GIGYF2: variants seen among roughly 807,000 people sequenced by gnomAD.
GIGYF2 encodes GRB10 interacting GYF protein 2.
In GIGYF2, 25 loss-of-function variants were observed where a neutral mutation model predicts 208.1. The ratio of observed to expected loss-of-function variants is 0.12; its 90% confidence interval spans 0.09 to 0.17. The LOEUF is 0.17. GIGYF2 is among the 10% of genes least tolerant of loss of function. GIGYF2 has a pLI of 1.00. For missense variants in GIGYF2, 1,302 were observed against 1,579.4 expected, an observed-to-expected ratio of 0.82 and a Z score of 2.98; for synonymous variants, 534 against 543.8, an observed-to-expected ratio of 0.98 and a Z score of 0.25.
At chr2:232,711,278 T>C (rs1177467546) in intron 2 of GIGYF2, among the ~76,000 whole-genome samples, 3 of 150,648 alleles carry the variant, frequency 2.0e-5, no homozygotes, top group Non-Finnish European at 4.4e-5. Context: ...TTTGTATTTT[T>C]TTATAGAGAT....
At chr2:232,718,337 G>A (rs1247798639) in intron 2 of GIGYF2, among the ~76,000 whole-genome samples, 2 of 152,114 alleles carry the variant, frequency 1.3e-5, no homozygotes, top group East Asian at 1.9e-4. Context: ...GACCTCACGC[G>A]ATCCACTCAC....
At chr2:232,820,164 T>C (rs986721581) in intron 21 of GIGYF2, among the ~76,000 whole-genome samples, 179 bp downstream of exon 21, 6 of 152,158 alleles carry the variant, frequency 3.9e-5, no homozygotes, top group Non-Finnish European at 7.4e-5. Context: ...AAAACCTGTT[T>C]TCTAGAGGAA....
At chr2:232,825,956 T>G (rs929702719) in intron 21 of GIGYF2, among the ~76,000 whole-genome samples, 7 of 151,812 alleles carry the variant, frequency 4.6e-5, no homozygotes, top group Admixed American at 3.9e-4. Context: ...CATGTGGTGT[T>G]TGGTTTTCTG....
In GIGYF2 at chr2:232,857,298, G is replaced by A. The variant is rs1056907985; in HGVS notation, c.*438G>A. 2 of 255,290 alleles carry A rather than the reference G, an allele frequency of 7.8e-6. No individual in the cohort carries two copies. Among genetic ancestry groups the A allele is most frequent in the African/African-American group, 4.5e-5 (2 of 44,416 alleles). 15.8% of individuals were successfully genotyped at this position (255,290 alleles called of 1,614,324 possible). ...GGTCTAACTGGTGCAATCATGAAGA[G>A]AGTTAATGGTTAACAGACATTGGCC... On this transcript the variant is annotated 3_prime_UTR_variant, in exon 29 of 29. Transcript: ENST00000373563.
chr2:232,771,683 G>A (rs1574862031), intron 8 of GIGYF2, among the ~76,000 whole-genome samples: 1 of 152,282 alleles, frequency 6.6e-6, no homozygotes, highest in Non-Finnish European at 1.5e-5. Flanking sequence ...ATACCCCTGT[G>A]TCTTCCTTGC....
chr2:232,854,329 C>T (rs2106436203), intron 28 of GIGYF2, among the ~76,000 whole-genome samples: 1 of 152,206 alleles, frequency 6.6e-6, no homozygotes, highest in Middle Eastern at 3.4e-3. Context: ...CTTGTCTCTA[C>T]AAAAATTACA....
At chr2:232,699,077 A>G (rs1033343027) in intron 1 of GIGYF2, among the ~76,000 whole-genome samples, 2 of 152,218 alleles carry the variant, frequency 1.3e-5, no homozygotes, top group Non-Finnish European at 2.9e-5. Flanking sequence ...AAAGAAAAAA[A>G]TGAGTCAGGG....
chr2:232,825,018 A>G (rs1422344383), intron 21 of GIGYF2, among the ~76,000 whole-genome samples: 1 of 152,214 alleles, frequency 6.6e-6, no homozygotes, highest in East Asian at 1.9e-4. Flanking sequence ...TGGTATATTG[A>G]ATATTTTAAA....
At chr2:232,827,214 T>TTTTTTTTTTTTTTTTTTG (rs1466147543) in intron 21 of GIGYF2, among the ~76,000 whole-genome samples, 1 of 152,144 alleles carries the variant, frequency 6.6e-6, no homozygotes, top group African/African-American at 2.4e-5. Context: ...CATTGTTTTT[T>TTTTTTTTTTTTTTTTTTG]AAGACATAAT....
rs142343705 is a variant in GIGYF2, at chr2:232,786,427, G to A, written c.533-723G>A. On this transcript the variant is annotated intron_variant, in intron 8 of 28. Coordinates refer to ENST00000373563, the MANE Select transcript of GIGYF2 (RefSeq NM_001103146.3). ...TAATTTTTGTATTTTGAGTAGACAT[G>A]AGGTTTCACCACATTGGCCAGGCTG... Among the ~76,000 whole-genome samples, 539 of 152,238 alleles carry A rather than the reference G, an allele frequency of 3.5e-3. 6 individuals carry two copies. The highest frequency in any genetic ancestry group is 0.013 in the African/African-American group (520 of 41,552).
In GIGYF2 at chr2:232,821,980, A is replaced by G. The variant is rs193168567; in HGVS notation, c.2529+1995A>G. 3.2e-3 allele frequency among the ~76,000 whole-genome samples: 456 copies of G among 141,626 alleles called. 1 individual carries two copies. The highest frequency in any genetic ancestry group is 0.012 in the African/African-American group (442 of 38,180). The allele number at this position is 141,626 out of a possible 152,430, so 92.9% of individuals were successfully genotyped here. ...TTACTGGACTCTTCCCTTTTCTTCC[A>G]TTGATAAGTTTGCCTGTCCTTAAAT... is the stretch of plus-strand genomic sequence containing the variant. On this transcript the variant is annotated intron_variant, in intron 21 of 28. Transcript: ENST00000373563.
chr2:232,836,392 A>AT (rs1491197107), intron 22 of GIGYF2, among the ~76,000 whole-genome samples: 6,641 of 75,870 alleles, frequency 0.088, 1,562 homozygotes, highest in Non-Finnish European at 0.12. Flanking sequence ...AAATATATAT[A>AT]AATATAAATA....
At chr2:232,850,204 T>A in intron 27 of GIGYF2, 58 bp from the exon 28 acceptor site, 1 of 1,470,560 alleles carries the variant, frequency 6.8e-7, no homozygotes, top group South Asian at 1.1e-5. Flanking sequence ...AACATTTTCC[T>A]AGGGTGAGCC....
chr2:232,850,529 CTAAT>C, intron 28 of GIGYF2, 120 bp downstream of exon 28: 2 of 989,926 alleles, frequency 2.0e-6, no homozygotes, highest in Non-Finnish European at 3.1e-6. Context: ...TTATCAATAA[CTAAT>C]GTTTTAACTG....
chr2:232,844,535 G>C lies in GIGYF2; in HGVS notation c.3266G>C (p.Arg1089Thr). 1 of 1,613,808 alleles carries C rather than the reference G, an allele frequency of 6.2e-7. No individual in the cohort carries two copies. The highest frequency in any genetic ancestry group is 8.5e-7 in the Non-Finnish European group (1 of 1,179,860). The change falls in exon 25 of 29, where the codon AGG becomes ACG. Residue 1089 changes from arginine (R) to threonine (T), a missense_variant. Around this residue, in one of 8 missense-constraint regions of GIGYF2, gnomAD observed 701 missense variants for 793.0 expected, o/e 0.88. Transcript: ENST00000373563. Reference sequence around the variant, plus strand: ...GATGCAGTGAAAGAGGTGGGACCTAGGAATTCAACAAATAAAAATAAAAAC... The same window carrying C: ...GATGCAGTGAAAGAGGTGGGACCTACGAATTCAACAAATAAAAATAAAAAC... Reference protein sequence around the residue: ...WDDAVKEVGPRNSTNKNKNNA... With the variant: ...WDDAVKEVGPTNSTNKNKNNA...
intron 13 of GIGYF2, among the ~76,000 whole-genome samples, 157 bp downstream of exon 13, chr2:232,795,101 A>G (rs1292877084): frequency 6.6e-6 from 1 of 152,216 alleles, no homozygotes; most frequent in African/African-American, 2.4e-5. Context: ...TTGTCTTTCA[A>G]ATCATTTCAT....
chr2:232,813,682 C>G (rs1355085051), intron 18 of GIGYF2, among the ~76,000 whole-genome samples: 3 of 152,026 alleles, frequency 2.0e-5, no homozygotes, highest in Non-Finnish European at 2.9e-5. Context: ...TAACACTGAC[C>G]CCGCAGATTA....
chr2:232,760,609 T>G lies in GIGYF2; in HGVS notation c.491+18T>G, dbSNP rs767317038. On this transcript the variant is annotated intron_variant, in intron 7 of 28. Transcript: ENST00000373563. ...GAGGAAAGGTAACTGGATCCACATA[T>G]TGGCATAAAAATTTCTTGGCATATA... The G allele has an allele frequency of 1.3e-6, 2 of 1,507,308 alleles. No individual in the cohort carries two copies. The highest frequency in any genetic ancestry group is 1.8e-6 in the Non-Finnish European group (2 of 1,083,162). 93.4% of individuals were successfully genotyped at this position (1,507,308 alleles called of 1,614,324 possible). A position where few individuals can be genotyped will look rare whatever the true frequency, so the allele number is the denominator to read the frequency against.
At chr2:232,822,539 G>A (rs1701120595) in intron 21 of GIGYF2, among the ~76,000 whole-genome samples, 1 of 152,194 alleles carries the variant, frequency 6.6e-6, no homozygotes, top group Non-Finnish European at 1.5e-5. Flanking sequence ...AAATTAGCTG[G>A]GCGTGGTGGC....
Sources: allele counts gnomAD v4.1 joint callset (sites outside exome capture counted in the v4.1 genomes callset), GRCh38; gene constraint gnomAD v4.1.1; regional missense constraint gnomAD v4.1.1; transcripts MANE v1.5; gene names NCBI Gene and HGNC (gene_info 2026-07-23, HGNC 2026-07-21).